PDE8B: variants seen among roughly 807,000 people sequenced by gnomAD.
The protein encoded by PDE8B is phosphodiesterase 8B.
A neutral mutation model predicts 101.3 loss-of-function variants in PDE8B; 26 were observed. The observed-to-expected ratio is 0.26, with a 90% CI of 0.19 to 0.36. The LOEUF (loss-of-function observed/expected upper bound fraction) is 0.36. PDE8B is among the 10% of genes least tolerant of loss of function. The pLI, the probability that PDE8B is intolerant of heterozygous loss-of-function variation, is 1.00. For synonymous variants in PDE8B, 424 were observed against 429.3 expected (o/e 0.99, Z 0.15); for missense variants, 810 against 1,163.1 (o/e 0.70, Z 4.42).
At position 77,301,265 on chromosome 5, in the gene PDE8B, A is replaced by G. The variant is rs1295516996; in HGVS notation, c.340-10729A>G. Among the ~76,000 whole-genome samples the G allele has an allele frequency of 2.6e-5, 4 of 152,250 alleles. No homozygotes were observed. The East Asian group carries it at 7.7e-4, about 29-fold the overall frequency. On this transcript the variant is annotated intron_variant, in intron 1 of 21. Transcript: ENST00000264917. ...AAGGCAGTTCTAGCTTATCAATGATAAAATTGAGGACAGAGGCAGCATGTA... is the reference window on the plus strand; with the variant it reads ...AAGGCAGTTCTAGCTTATCAATGATGAAATTGAGGACAGAGGCAGCATGTA...
At chr5:77,232,113 G>A (rs1269226161) in intron 1 of PDE8B, among the ~76,000 whole-genome samples, 1 of 152,186 alleles carries the variant, frequency 6.6e-6, no homozygotes, top group Non-Finnish European at 1.5e-5. Context: ...TGTATATTTT[G>A]TTAATTTTAG....
chr5:77,103,003 C>T, the PDE8B span, among the ~76,000 whole-genome samples: 1 of 152,230 alleles, frequency 6.6e-6, no homozygotes, highest in African/African-American at 2.4e-5. Context: ...GCATCCACCC[C>T]TCACTGAACT....
At chr5:77,188,612 A>G in the PDE8B span, among the ~76,000 whole-genome samples, 1 of 152,230 alleles carries the variant, frequency 6.6e-6, no homozygotes, top group Non-Finnish European at 1.5e-5. Context: ...ACTGCAGAAA[A>G]GATCTCACGG....
the PDE8B span, among the ~76,000 whole-genome samples, chr5:77,200,327 C>T: frequency 0.093 from 14,103 of 151,726 alleles, 1,030 homozygotes; most frequent in East Asian, 0.36. Context: ...GATAGGATCA[C>T]GAATAAAAAT....
chr5:77,314,137 T>A (rs1216155792), intron 2 of PDE8B, among the ~76,000 whole-genome samples: 1 of 152,154 alleles, frequency 6.6e-6, no homozygotes, highest in Non-Finnish European at 1.5e-5. Context: ...TAGCAGCATT[T>A]GTTAAAAAAT....
chr5:77,406,236 A>T (rs1389990925), intron 12 of PDE8B, among the ~76,000 whole-genome samples: 3 of 152,094 alleles, frequency 2.0e-5, no homozygotes, highest in African/African-American at 7.2e-5. Flanking sequence ...GGTGAGCTAG[A>T]TCGTGCCTCC....
chr5:77,410,153 G>A (rs1340054687), intron 14 of PDE8B, among the ~76,000 whole-genome samples: 1 of 152,256 alleles, frequency 6.6e-6, no homozygotes, highest in Non-Finnish European at 1.5e-5. Flanking sequence ...GGGCAAGCTG[G>A]TGGTGTTAAA....
chr5:77,411,691 CTG>C lies in PDE8B; in HGVS notation c.1548_1549del (p.Ser517ArgfsTer8). ...GGLMTDGLRRLSGNEYVFTKN... is the reference protein window; with the variant it reads ...GGLMTDGLRRXSGNEYVFTKN... ...TTTATTCCAGGACGGCTTGAGAAGA[CTG>C]TCAGGAAACGAGTATGTGTTTACTA... On this transcript the variant is annotated frameshift_variant, in exon 15 of 22. Transcript: ENST00000264917. LOFTEE classifies it high-confidence loss of function. The C allele has an allele frequency of 6.2e-7, 1 of 1,611,808 alleles. No homozygotes were observed. The highest frequency in any genetic ancestry group is 8.5e-7 in the Non-Finnish European group (1 of 1,178,002).
the PDE8B span, among the ~76,000 whole-genome samples, chr5:77,090,178 GA>G: frequency 6.6e-6 from 1 of 152,310 alleles, no homozygotes; most frequent in Admixed American, 6.5e-5. Context: ...AGATAAGATG[GA>G]ATAAGTTCTA....
At chr5:77,270,434 T>C (rs938392754) in intron 1 of PDE8B, among the ~76,000 whole-genome samples, 3 of 152,236 alleles carry the variant, frequency 2.0e-5, no homozygotes, top group Non-Finnish European at 4.4e-5. Flanking sequence ...CTTTTCAATT[T>C]GGATGCCTTT....
At chr5:77,375,707 T>A (rs1350808005) in intron 10 of PDE8B, among the ~76,000 whole-genome samples, 1 of 152,122 alleles carries the variant, frequency 6.6e-6, no homozygotes, top group East Asian at 1.9e-4. Context: ...CCAGTGGTAG[T>A]CTAGTAAGTG....
intron 9 of PDE8B, among the ~76,000 whole-genome samples, chr5:77,352,856 C>T (rs922356567): frequency 2.0e-5 from 3 of 152,052 alleles, no homozygotes; most frequent in Admixed American, 6.5e-5. Context: ...CAGTCCATGA[C>T]GTTGAAATGA....
At chr5:77,187,928 A>G in the PDE8B span, among the ~76,000 whole-genome samples, 1 of 152,224 alleles carries the variant, frequency 6.6e-6, no homozygotes, top group African/African-American at 2.4e-5. Context: ...GACATTACTA[A>G]GAAAGTAAGT....
At chr5:77,309,427 A>G (rs753007513) in intron 1 of PDE8B, among the ~76,000 whole-genome samples, 1 of 151,998 alleles carries the variant, frequency 6.6e-6, no homozygotes, top group Non-Finnish European at 1.5e-5. Context: ...GCTTCTATTT[A>G]TGATTTCATT....
At chr5:77,154,187 C>A in the PDE8B span, among the ~76,000 whole-genome samples, 2 of 152,148 alleles carry the variant, frequency 1.3e-5, no homozygotes, top group African/African-American at 4.8e-5. Flanking sequence ...TGCCTCTCAC[C>A]CAAATTGCTG....
chr5:77,389,654 C>T (rs755115355), intron 10 of PDE8B, among the ~76,000 whole-genome samples: 1 of 152,186 alleles, frequency 6.6e-6, no homozygotes, highest in Non-Finnish European at 1.5e-5. Context: ...GTCCACCCAT[C>T]CTGCTCGCCC....
the PDE8B span, among the ~76,000 whole-genome samples, chr5:77,171,028 G>A: frequency 6.6e-6 from 1 of 152,282 alleles, no homozygotes; most frequent in Middle Eastern, 3.4e-3. Context: ...ATTCTAACAC[G>A]AATCAGGAGT....
Position 77,236,065 on chromosome 5 carries a change from A to G in PDE8B, c.339+24801A>G, listed in dbSNP as rs114386513. Among the ~76,000 whole-genome samples, 718 of 152,322 alleles carry G rather than the reference A, an allele frequency of 4.7e-3. 3 individuals are homozygous for G. Among genetic ancestry groups the G allele is most frequent in the African/African-American group, 0.016 (672 of 41,568 alleles). On this transcript the variant is annotated intron_variant, in intron 1 of 21. Coordinates refer to ENST00000264917, the MANE Select transcript of PDE8B (RefSeq NM_003719.5). ...TAACTGCTGTGCTGTGTTGCCAGAG[A>G]GGATATTCTGGAAAGATAACTTTTG...
intron 4 of PDE8B, among the ~76,000 whole-genome samples, 183 bp downstream of exon 4, chr5:77,329,240 G>A (rs1266643733): frequency 6.6e-6 from 1 of 152,080 alleles, no homozygotes; most frequent in Non-Finnish European, 1.5e-5. Context: ...AAATATTTAG[G>A]TTTTTCTCTG....
Sources: gnomAD v4.1 joint callset for allele counts (sites outside exome capture counted in the v4.1 genomes callset) on GRCh38, gnomAD v4.1.1 for gene constraint, MANE v1.5 for transcripts, NCBI Gene and HGNC (gene_info 2026-07-23, HGNC 2026-07-21) for gene names.